Variants in DIAPH2 observed in about 807,000 individuals in gnomAD.
The protein encoded by DIAPH2 is diaphanous related formin 2.
A neutral mutation model predicts 92.7 loss-of-function variants in DIAPH2; 35 were observed. The ratio of observed to expected loss-of-function variants is 0.38; its 90% CI spans 0.29 to 0.50. DIAPH2 has a LOEUF of 0.50. Ranked by LOEUF, DIAPH2 falls within the 20% of genes least tolerant of loss-of-function variation. The pLI is 0.94. For missense variants in DIAPH2, 701 were observed against 819.5 expected (o/e 0.86, Z 1.77); for synonymous variants, 301 against 280.4 (o/e 1.07, Z -0.73).
intron 25 of DIAPH2, among the ~76,000 whole-genome samples, chrX:97,414,483 TA>T (rs1193564212): frequency 9.1e-6 from 1 of 109,701 alleles, no homozygotes; most frequent in African/African-American, 3.3e-5. Context: ...ACCCTGTCTC[TA>T]CTAAAAATAT....
intron 4 of DIAPH2, among the ~76,000 whole-genome samples, chrX:96,865,797 G>T (rs1409844508): frequency 8.9e-6 from 1 of 112,409 alleles, no homozygotes; most frequent in African/African-American, 3.2e-5. Flanking sequence ...GTAGTACAGT[G>T]AATGGCACAT....
chrX:96,752,709 A>G (rs771300520), intron 3 of DIAPH2, among the ~76,000 whole-genome samples: 3 of 111,950 alleles, frequency 2.7e-5, no homozygotes, highest in South Asian at 3.7e-4. Flanking sequence ...CAGGGAGAAC[A>G]GCGCATCATG....
rs780851925 is a variant in DIAPH2 at position 97,414,291 on chromosome X, C to G, written c.3146-15359C>G. ...TGATCTTTGACAAACCTGACAGTAA[C>G]AAGAAATGGGGAAAGGATTCCCTAT... On this transcript the variant is annotated intron_variant, in intron 25 of 26. Coordinates refer to ENST00000324765, the MANE Select transcript of DIAPH2 (RefSeq NM_006729.5). 1.3e-4 allele frequency among the ~76,000 whole-genome samples: 15 copies of G among 111,493 alleles called. 1 individual carries two copies. The East Asian group carries it at 3.9e-3, about 29-fold the overall frequency.
chrX:96,785,746 G>A (rs932347484), intron 4 of DIAPH2, among the ~76,000 whole-genome samples: 7 of 109,656 alleles, frequency 6.4e-5, no homozygotes, highest in South Asian at 3.9e-4. Flanking sequence ...CAAAGTGCTG[G>A]GATTACAGGC....
intron 26 of DIAPH2, among the ~76,000 whole-genome samples, chrX:97,591,886 A>T (rs184545222): frequency 2.7e-5 from 3 of 112,322 alleles, no homozygotes; most frequent in East Asian, 2.8e-4. Flanking sequence ...AAGGACATTT[A>T]AAAAAATCTA....
chrX:97,144,178 C>A (rs1490306684), intron 22 of DIAPH2, among the ~76,000 whole-genome samples: 2 of 110,663 alleles, frequency 1.8e-5, no homozygotes, highest in Non-Finnish European at 3.8e-5. Flanking sequence ...AGTGAGACCA[C>A]CCCCATCAGA....
At chrX:97,369,640 T>G (rs978103556) in intron 24 of DIAPH2, among the ~76,000 whole-genome samples, 5 of 110,592 alleles carry the variant, frequency 4.5e-5, no homozygotes, top group Non-Finnish European at 7.6e-5. Context: ...TCAGACAACA[T>G]CAATAAAGGG....
At chrX:96,937,877 A>G in intron 11 of DIAPH2, among the ~76,000 whole-genome samples, 1 of 112,171 alleles carries the variant, frequency 8.9e-6, no homozygotes, top group East Asian at 2.8e-4. Flanking sequence ...AAATACAGCT[A>G]GCATATAACC....
intron 26 of DIAPH2, among the ~76,000 whole-genome samples, chrX:97,500,807 T>C (rs1164161867): frequency 1.1e-5 from 1 of 92,287 alleles, no homozygotes; most frequent in African/African-American, 3.9e-5. Flanking sequence ...TATATATCCT[T>C]GCAAGTGCAT....
At chrX:97,416,994 CA>C (rs2069953769) in intron 25 of DIAPH2, among the ~76,000 whole-genome samples, 1 of 111,744 alleles carries the variant, frequency 8.9e-6, no homozygotes, top group African/African-American at 3.3e-5. Flanking sequence ...GACAAACCAG[CA>C]ATGGAGGAGG....
intron 4 of DIAPH2, among the ~76,000 whole-genome samples, chrX:96,769,591 C>T (rs1326873393): frequency 9.0e-6 from 1 of 111,686 alleles, no homozygotes; most frequent in African/African-American, 3.3e-5. Flanking sequence ...TGGACCAAGA[C>T]AGAGAAGAGT....
intron 17 of DIAPH2, among the ~76,000 whole-genome samples, chrX:97,071,426 G>A (rs1165582088): frequency 9.0e-6 from 1 of 110,557 alleles, no homozygotes; most frequent in Non-Finnish European, 1.9e-5. Context: ...TCTTCCAGTA[G>A]TAGCAGTGAC....
At chrX:96,932,272 G>A (rs2065624259) in intron 10 of DIAPH2, among the ~76,000 whole-genome samples, 1 of 110,952 alleles carries the variant, frequency 9.0e-6, no homozygotes, top group South Asian at 3.8e-4. Context: ...TTCTGCCATA[G>A]TTGTTGCTCT....
At chrX:97,519,147 C>T (rs1413453408) in intron 26 of DIAPH2, among the ~76,000 whole-genome samples, 1 of 111,819 alleles carries the variant, frequency 8.9e-6, no homozygotes, top group Non-Finnish European at 1.9e-5. Flanking sequence ...ATTTCAGGTG[C>T]CCAAGCTTGA....
intron 18 of DIAPH2, among the ~76,000 whole-genome samples, chrX:97,073,402 A>G (rs1012742): frequency 9.0e-6 from 1 of 111,234 alleles, no homozygotes; most frequent in Admixed American, 9.6e-5. Context: ...CACTAGTTAC[A>G]TTGGAAAAAT....
At chrX:96,706,761 T>A (rs1324311357) in intron 1 of DIAPH2, among the ~76,000 whole-genome samples, 2 of 111,210 alleles carry the variant, frequency 1.8e-5, no homozygotes, top group Non-Finnish European at 3.8e-5. Flanking sequence ...GAAAGCATAT[T>A]CAGAAGCCTA....
Position 97,157,721 on chromosome X carries a change from C to T in DIAPH2, c.2719+15927C>T, listed in dbSNP as rs1184017822. ...AAGAACCCTCTTTTGGGGTCTGCAT[C>T]GGGACCCCTTTCCTGGAACAGAAGT... On this transcript the variant is annotated intron_variant, in intron 22 of 26. Coordinates refer to ENST00000324765, the MANE Select transcript of DIAPH2 (RefSeq NM_006729.5). 9.0e-5 allele frequency among the ~76,000 whole-genome samples: 10 copies of T among 111,569 alleles called. No homozygotes were observed. The East Asian group carries it at 2.5e-3, about 28-fold the overall frequency.
intron 4 of DIAPH2, among the ~76,000 whole-genome samples, chrX:96,852,932 T>G (rs777421910): frequency 9.0e-6 from 1 of 111,704 alleles, no homozygotes; most frequent in African/African-American, 3.2e-5. Context: ...GGTGCCCTAT[T>G]AATTAAGTCT....
intron 21 of DIAPH2, 43 bp from the exon 22 acceptor site, chrX:97,141,622 T>G: frequency 8.9e-7 from 1 of 1,127,253 alleles, no homozygotes. Context: ...AAAAAAGTAT[T>G]TACTAAAAAA....
Sources: allele counts gnomAD v4.1 joint callset (sites outside exome capture counted in the v4.1 genomes callset), GRCh38; gene constraint gnomAD v4.1.1; transcripts MANE v1.5; gene names NCBI Gene and HGNC (gene_info 2026-07-23, HGNC 2026-07-21).